ADGRB1: variants seen among roughly 807,000 people sequenced by gnomAD.
ADGRB1 encodes the protein brain-specific angiogenesis inhibitor 1.
ADGRB1 carries 36 observed loss-of-function variants against 175.7 expected under a neutral mutation model. That is an observed-to-expected ratio of 0.20 (90% CI 0.16 to 0.27). The LOEUF is 0.27. Among genes scored for constraint, ADGRB1 ranks in the 10% least tolerant of loss-of-function variants. ADGRB1 has a pLI of 1.00. For synonymous variants in ADGRB1, 1,054 were observed against 979.4 expected, an observed-to-expected ratio of 1.08 and a Z score of -1.42; for missense variants, 1,731 against 2,255.3, an observed-to-expected ratio of 0.77 and a Z score of 4.71.
At chr8:142,526,764 A>G (rs927010144) in intron 24 of ADGRB1, 137 bp downstream of exon 24, 2 of 859,828 alleles carry the variant, frequency 2.3e-6, no homozygotes. Context: ...TGGGAAACGG[A>G]GGCACTGAGT....
intron 1 of ADGRB1, among the ~76,000 whole-genome samples, chr8:142,463,272 C>A (rs980963163): frequency 1.3e-5 from 2 of 152,178 alleles, no homozygotes; most frequent in Non-Finnish European, 1.5e-5. Context: ...CTGGCAGGAG[C>A]ACCAGCTGGG....
At chr8:142,519,630 GTGGTGC>G (rs1163260350) in intron 19 of ADGRB1, among the ~76,000 whole-genome samples, 5 of 151,276 alleles carry the variant, frequency 3.3e-5, no homozygotes, top group African/African-American at 4.9e-5. Flanking sequence ...GATGGTGGTG[GTGGTGC>G]TGGTGCTGGT....
At chr8:142,486,795 G>A (rs113163642) in intron 13 of ADGRB1, among the ~76,000 whole-genome samples, 1 of 152,188 alleles carries the variant, frequency 6.6e-6, no homozygotes, top group East Asian at 1.9e-4. Flanking sequence ...AAGGCAGGAG[G>A]ATCGCTTGAG....
intron 18 of ADGRB1, among the ~76,000 whole-genome samples, chr8:142,516,663 G>GTGT (rs1843464632): frequency 1.4e-5 from 2 of 139,086 alleles, no homozygotes; most frequent in African/African-American, 5.7e-5. Flanking sequence ...GTGTGTGTGT[G>GTGT]GGTCCCAGGT....
At chr8:142,541,629 G>A (rs925654131) in intron 27 of ADGRB1, among the ~76,000 whole-genome samples, 9 of 152,170 alleles carry the variant, frequency 5.9e-5, no homozygotes, top group African/African-American at 2.2e-4. Flanking sequence ...GGCCGCCCTC[G>A]CCTGCTCTTC....
At chr8:142,451,234 C>T (rs978051264) in intron 1 of ADGRB1, among the ~76,000 whole-genome samples, 1 of 152,218 alleles carries the variant, frequency 6.6e-6, no homozygotes, top group Non-Finnish European at 1.5e-5. Context: ...GAGCCCGCGT[C>T]CCTCCTCCTG....
intron 6 of ADGRB1, 118 bp downstream of exon 6, chr8:142,477,667 T>C (rs1841055708): frequency 1.5e-6 from 2 of 1,339,824 alleles, no homozygotes; most frequent in Admixed American, 5.4e-5. Context: ...CTCAGGGTGC[T>C]CAGAGGTTGG....
In ADGRB1 at chr8:142,542,112, G is replaced by C. The variant is rs772971707; in HGVS notation, c.3878G>C (p.Arg1293Pro). 1.2e-6 allele frequency: 2 copies of C among 1,613,274 alleles called. No homozygotes were observed. Among genetic ancestry groups the C allele is most frequent in the African/African-American group, 2.7e-5 (2 of 74,916 alleles). Residue 1293 changes from arginine to proline, a missense_variant, in exon 28 of 31, where the codon CGC becomes CCC. Around this residue, in one of 8 missense-constraint regions of ADGRB1, gnomAD observed 394 missense variants for 410.2 expected, o/e 0.96. Coordinates refer to ENST00000517894, the MANE Select transcript of ADGRB1 (RefSeq NM_001702.3). The surrounding 1 kb of genome is among the most constrained non-coding windows in gnomAD (Gnocchi z 6.3). ...AAGCTGCACCTGCACGGCTCACCCC[G>C]CTATCCCGGCGGGCCCCTGCCCGAC... Reference protein sequence around the residue: ...VSKLHLHGSPRYPGGPLPDFP... With the variant: ...VSKLHLHGSPPYPGGPLPDFP...
intron 17 of ADGRB1, among the ~76,000 whole-genome samples, chr8:142,501,280 GAT>G: frequency 6.6e-6 from 1 of 151,588 alleles, no homozygotes; most frequent in African/African-American, 2.4e-5. Flanking sequence ...TGGTGGTGAT[GAT>G]GGAGGTGATG....
chr8:142,468,035 A>C (rs1840374171), intron 2 of ADGRB1, among the ~76,000 whole-genome samples: 1 of 152,200 alleles, frequency 6.6e-6, no homozygotes, highest in African/African-American at 2.4e-5. Flanking sequence ...GGTGCTCAGA[A>C]AGAGGTGGGA....
At chr8:142,502,523 T>C (rs1352548148) in intron 17 of ADGRB1, among the ~76,000 whole-genome samples, 2 of 143,568 alleles carry the variant, frequency 1.4e-5, no homozygotes, top group African/African-American at 5.1e-5. Context: ...GTGATGGTTG[T>C]GTGGTTTTGA....
rs745855945 is a variant in ADGRB1 at position 142,542,263 on chromosome 8, G to A, written c.4029G>A (p.Thr1343=). The A allele has an allele frequency of 6.8e-6, 11 of 1,613,458 alleles. No homozygotes were observed. Among genetic ancestry groups the A allele is most frequent in the East Asian group, 4.5e-5 (2 of 44,858 alleles). Residue 1343 remains threonine (T), a synonymous_variant, in exon 28 of 31, where the codon ACG becomes ACA. Transcript: ENST00000517894. This position sits in a 1 kb window ranked among gnomAD's most constrained non-coding sequence, Gnocchi z 6.3. ...LSRAQEKALD[T]SYVILPTATA... is the part of the protein sequence containing the mutation. ...GGGCCCAGGAGAAGGCTCTGGACAC[G>A]AGCTACGTGATCCTGCCCACGGCCA...
Position 142,537,745 on chromosome 8 carries a change from C to T in ADGRB1, c.3666+663C>T, listed in dbSNP as rs1004638204. Among the ~76,000 whole-genome samples, 2 of 152,158 alleles carry T rather than the reference C, an allele frequency of 1.3e-5. No homozygotes were observed. The highest frequency in any genetic ancestry group is 2.9e-5 in the Non-Finnish European group (2 of 68,016). The stretch of plus-strand genomic sequence containing the variant: ...TTTACAGCACAGCGTTCCCACGACA[C>T]GCACAGGTCCTGGGAGGGCGGCCCA... On this transcript the variant is annotated intron_variant, in intron 26 of 30. Transcript: ENST00000517894. This position sits in a 1 kb window ranked among gnomAD's most constrained non-coding sequence, Gnocchi z 4.6.
At chr8:142,480,370 T>G (rs1378756405) in intron 9 of ADGRB1, among the ~76,000 whole-genome samples, 2 of 152,198 alleles carry the variant, frequency 1.3e-5, no homozygotes, top group African/African-American at 4.8e-5. Context: ...CTCAGTGTTC[T>G]CATCTGTAGG....
intron 1 of ADGRB1, among the ~76,000 whole-genome samples, chr8:142,450,634 G>A (rs1839290517): frequency 6.6e-6 from 1 of 151,892 alleles, no homozygotes. Context: ...GTAAGGGCCC[G>A]AGACGTCCTC....
intron 6 of ADGRB1, 116 bp from the exon 7 acceptor site, chr8:142,478,071 C>T (rs955123655): frequency 3.6e-6 from 5 of 1,407,976 alleles, no homozygotes; most frequent in Non-Finnish European, 4.9e-6. Context: ...GTGTTCTCAT[C>T]TATGTCCCAG....
At chr8:142,472,857 G>A (rs553785975) in intron 2 of ADGRB1, among the ~76,000 whole-genome samples, 6 of 152,196 alleles carry the variant, frequency 3.9e-5, no homozygotes, top group South Asian at 2.1e-4. Context: ...CTCAGTATGC[G>A]TCCAGGGTCA....
At chr8:142,469,162 T>TAA in intron 2 of ADGRB1, among the ~76,000 whole-genome samples, 1 of 151,844 alleles carries the variant, frequency 6.6e-6, no homozygotes, top group Non-Finnish European at 1.5e-5. Context: ...CGTGCATGTG[T>TAA]GTGTGTGTGC....
At chr8:142,514,587 A>G (rs1843312992) in intron 18 of ADGRB1, among the ~76,000 whole-genome samples, 2 of 152,114 alleles carry the variant, frequency 1.3e-5, no homozygotes, top group Admixed American at 1.3e-4. Flanking sequence ...CTCAGACTGT[A>G]TTGGAAGGTT....
Sources: gnomAD v4.1 joint callset for allele counts (sites outside exome capture counted in the v4.1 genomes callset) on GRCh38, gnomAD v4.1.1 for gene constraint, gnomAD v4.1.1 regional missense constraint, Gnocchi (gnomAD v3.1) non-coding constraint, MANE v1.5 for transcripts, NCBI Gene and HGNC (gene_info 2026-07-23, HGNC 2026-07-21) for gene names.